Variants in MICU1 observed in about 807,000 individuals in gnomAD.
MICU1 encodes mitochondrial calcium uptake 1, also known as calcium uptake protein 1, mitochondrial.
A neutral mutation model predicts 56.8 loss-of-function variants in MICU1; 45 were observed. The observed-to-expected ratio is 0.79, with a 90% CI of 0.62 to 1.02. The LOEUF (loss-of-function observed/expected upper bound fraction) is 1.02. Among genes scored for constraint, MICU1 ranks in the 50% least tolerant of loss-of-function variants. MICU1 has a pLI of 0.00. For synonymous variants in MICU1, 186 were observed against 195.1 expected (o/e 0.95, Z 0.39); for missense variants, 504 against 587.1 (o/e 0.86, Z 1.46).
At chr10:72,456,106 A>G (rs1865450282) in intron 8 of MICU1, among the ~76,000 whole-genome samples, 1 of 152,098 alleles carries the variant, frequency 6.6e-6, no homozygotes, top group African/African-American at 2.4e-5. Flanking sequence ...GGCAACTATG[A>G]ACAGCACCGG....
chr10:72,451,155 G>C (rs1450441376), intron 8 of MICU1, among the ~76,000 whole-genome samples: 1 of 150,476 alleles, frequency 6.6e-6, no homozygotes, highest in Non-Finnish European at 1.5e-5. Context: ...CTCCCAAGTA[G>C]CTGGGATTAT....
intron 6 of MICU1, among the ~76,000 whole-genome samples, chr10:72,503,420 T>C (rs61865699): frequency 0.01 from 1,546 of 152,280 alleles, 20 homozygotes; most frequent in Non-Finnish European, 0.014. Flanking sequence ...GGAGACAGTT[T>C]TGCTTGTCAT....
At chr10:72,416,169 G>A (rs1863976807) in intron 9 of MICU1, among the ~76,000 whole-genome samples, 1 of 152,120 alleles carries the variant, frequency 6.6e-6, no homozygotes, top group Non-Finnish European at 1.5e-5. Flanking sequence ...TAGGGGAAAA[G>A]TTGATGTAAA....
At chr10:72,382,076 AAT>A (rs1469466104) in intron 10 of MICU1, among the ~76,000 whole-genome samples, 2 of 151,962 alleles carry the variant, frequency 1.3e-5, no homozygotes, top group Non-Finnish European at 2.9e-5. Flanking sequence ...GAAATAATGG[AAT>A]AGTGTGTATT....
intron 10 of MICU1, among the ~76,000 whole-genome samples, chr10:72,395,820 C>T (rs946980461): frequency 5.3e-5 from 8 of 152,240 alleles, no homozygotes; most frequent in African/African-American, 1.9e-4. Flanking sequence ...AACAGGCCTA[C>T]AGCCTCTAGA....
chr10:72,370,576 T>C (rs1862299305), intron 11 of MICU1, among the ~76,000 whole-genome samples: 1 of 151,866 alleles, frequency 6.6e-6, no homozygotes, highest in South Asian at 2.1e-4. Context: ...AAGGTAAAAC[T>C]GTGTTACTAG....
rs145204840 is a variant in MICU1 at position 72,524,328 on chromosome 10, C to T, written c.537+9418G>A. On this transcript the variant is annotated intron_variant, in intron 5 of 11. Transcript: ENST00000361114. The stretch of plus-strand genomic sequence containing the variant: ...GTTGCTCAGGCTGGTCTTGAACTCC[C>T]GGTTGCTCAAGTGATCCTCCTGCCT... 1.6e-4 allele frequency among the ~76,000 whole-genome samples: 25 copies of T among 152,200 alleles called. No homozygotes were observed. The East Asian group carries it at 4.6e-3, about 28-fold the overall frequency.
intron 4 of MICU1, among the ~76,000 whole-genome samples, chr10:72,544,796 C>T (rs1301389733): frequency 1.3e-5 from 2 of 152,136 alleles, no homozygotes; most frequent in Non-Finnish European, 2.9e-5. Flanking sequence ...TAATGTCTGT[C>T]CTACTCAAGT....
At chr10:72,434,914 AT>A (rs1275548159) in intron 8 of MICU1, among the ~76,000 whole-genome samples, 1 of 152,202 alleles carries the variant, frequency 6.6e-6, no homozygotes, top group African/African-American at 2.4e-5. Flanking sequence ...AAAGACCCCT[AT>A]ACCAGGCTTG....
chr10:72,622,238 T>TA (rs747962682), intron 1 of MICU1, among the ~76,000 whole-genome samples: 3,227 of 93,338 alleles, frequency 0.035, 106 homozygotes, highest in African/African-American at 0.11. Flanking sequence ...TTCTCTTAAT[T>TA]AAAAAAAAAA....
At chr10:72,412,919 G>T (rs1863869574) in intron 9 of MICU1, among the ~76,000 whole-genome samples, 1 of 144,586 alleles carries the variant, frequency 6.9e-6, no homozygotes, top group South Asian at 2.2e-4. Flanking sequence ...GCTGAGCACA[G>T]TGCACAGTGG....
intron 7 of MICU1, among the ~76,000 whole-genome samples, chr10:72,475,558 A>G (rs1866092488): frequency 6.6e-6 from 1 of 151,846 alleles, no homozygotes; most frequent in Non-Finnish European, 1.5e-5. Flanking sequence ...CCTCCTGAGT[A>G]GCTGGGACTA....
intron 8 of MICU1, among the ~76,000 whole-genome samples, chr10:72,446,150 G>C (rs776085555): frequency 3.9e-5 from 6 of 152,060 alleles, no homozygotes; most frequent in Non-Finnish European, 7.4e-5. Flanking sequence ...CGATGCTCTT[G>C]ATGGCTCGGA....
At chr10:72,378,887 T>C (rs1388465088) in intron 10 of MICU1, among the ~76,000 whole-genome samples, 2 of 152,172 alleles carry the variant, frequency 1.3e-5, no homozygotes, top group Non-Finnish European at 2.9e-5. Context: ...ATTGGTGTCA[T>C]CTAGAATCTG....
chr10:72,602,710 T>C (rs74148028), intron 1 of MICU1, among the ~76,000 whole-genome samples: 6,014 of 152,294 alleles, frequency 0.039, 387 homozygotes, highest in African/African-American at 0.13. Flanking sequence ...CCATTGAACA[T>C]GCAGCATATC....
At chr10:72,563,385 T>C (rs1840347753) in intron 2 of MICU1, among the ~76,000 whole-genome samples, 1 of 152,178 alleles carries the variant, frequency 6.6e-6, no homozygotes, top group Non-Finnish European at 1.5e-5. Flanking sequence ...ATGGAATATT[T>C]TTCAGCTTTA....
chr10:72,515,152 A>T (rs1867607068), intron 5 of MICU1, among the ~76,000 whole-genome samples: 1 of 152,194 alleles, frequency 6.6e-6, no homozygotes, highest in Non-Finnish European at 1.5e-5. Flanking sequence ...ATGGGCCGCC[A>T]TCCTTACAGC....
At chr10:72,415,677 G>A (rs1291433507) in intron 9 of MICU1, among the ~76,000 whole-genome samples, 1 of 152,088 alleles carries the variant, frequency 6.6e-6, no homozygotes, top group Non-Finnish European at 1.5e-5. Context: ...GGGATTTACG[G>A]TCTTCCACCA....
intron 10 of MICU1, 54 bp downstream of exon 10, chr10:72,407,875 G>C: frequency 8.4e-7 from 1 of 1,188,566 alleles, no homozygotes; most frequent in Non-Finnish European, 1.2e-6. Flanking sequence ...TCACCTAAGA[G>C]ATTACAGATC....
Sources: allele counts gnomAD v4.1 joint callset (sites outside exome capture counted in the v4.1 genomes callset), GRCh38; gene constraint gnomAD v4.1.1; transcripts MANE v1.5; gene names NCBI Gene and HGNC (gene_info 2026-07-23, HGNC 2026-07-21).